The following ADCY5 variants were observed in gnomAD, a reference collection of about 807,000 sequenced individuals.
The protein encoded by ADCY5 is adenylate cyclase type 5.
ADCY5 carries 30 observed loss-of-function variants against 119.7 expected under a neutral mutation model. That is an observed-to-expected ratio of 0.25 (90% CI 0.19 to 0.34). The LOEUF is 0.34. Among genes scored for constraint, ADCY5 ranks in the 10% least tolerant of loss-of-function variants. The pLI is 1.00. For missense variants in ADCY5, 1,324 were observed against 1,775.2 expected, an observed-to-expected ratio of 0.75 and a Z score of 4.57; for synonymous variants, 753 against 762.2, an observed-to-expected ratio of 0.99 and a Z score of 0.20.
chr3:123,294,537 T>A (rs1360510486), intron 17 of ADCY5, among the ~76,000 whole-genome samples: 2 of 152,220 alleles, frequency 1.3e-5, no homozygotes, highest in Non-Finnish European at 2.9e-5. Context: ...GCTCCATTTC[T>A]GTGTGCTTCC....
intron 1 of ADCY5, among the ~76,000 whole-genome samples, chr3:123,398,464 T>C (rs111424498): frequency 0.017 from 2,631 of 152,286 alleles, 76 homozygotes; most frequent in African/African-American, 0.06. Context: ...TCTGACCATT[T>C]ATGATCACTG....
rs1945874380 is a variant in ADCY5, at chr3:123,448,580, C to T, written c.-35G>A. The T allele has an allele frequency of 3.2e-6, 4 of 1,262,576 alleles. No homozygotes were observed. The highest frequency in any genetic ancestry group is 1.5e-5 in the African/African-American group (1 of 64,542). The allele number at this position is 1,262,576 out of a possible 1,614,324, so 78.2% of individuals were successfully genotyped here. On this transcript the variant is annotated 5_prime_UTR_variant, in exon 1 of 21. Coordinates refer to ENST00000462833, the MANE Select transcript of ADCY5 (RefSeq NM_183357.3). ...GGCCTCGTCGTCTCCTTCCTCCTCC[C>T]CCGGAAGCCGGGCCGGGGGTCTCCA...
intron 9 of ADCY5, among the ~76,000 whole-genome samples, chr3:123,320,103 T>A (rs1941141969): frequency 6.6e-6 from 1 of 152,164 alleles, no homozygotes; most frequent in Non-Finnish European, 1.5e-5. Flanking sequence ...AGCATAACAA[T>A]GTGAGCTACC....
intron 1 of ADCY5, among the ~76,000 whole-genome samples, chr3:123,392,143 C>A (rs1418316294): frequency 6.6e-6 from 1 of 152,176 alleles, no homozygotes; most frequent in Non-Finnish European, 1.5e-5. Context: ...GTGGGGGAAG[C>A]AAGTTACACA....
At chr3:123,388,428 C>T (rs929576432) in intron 1 of ADCY5, among the ~76,000 whole-genome samples, 8 of 152,054 alleles carry the variant, frequency 5.3e-5, no homozygotes, top group African/African-American at 9.7e-5. Context: ...GTGGAGGAGC[C>T]GGTCTCCGTG....
chr3:123,288,835 C>A (rs1938950660), intron 19 of ADCY5, among the ~76,000 whole-genome samples: 1 of 152,192 alleles, frequency 6.6e-6, no homozygotes, highest in African/African-American at 2.4e-5. Context: ...GATCCAGGAC[C>A]TCTGCCGGAC....
intron 1 of ADCY5, among the ~76,000 whole-genome samples, chr3:123,405,256 C>A (rs554910916): frequency 2.6e-5 from 4 of 152,376 alleles, no homozygotes; most frequent in African/African-American, 9.6e-5. Flanking sequence ...CAGCCCTCCG[C>A]CAGGCTGCAG....
intron 17 of ADCY5, 51 bp from the exon 18 acceptor site, chr3:123,291,427 T>C: frequency 6.4e-7 from 1 of 1,571,122 alleles, no homozygotes; most frequent in Non-Finnish European, 8.7e-7. Flanking sequence ...AGCCCAGATG[T>C]CGGCCCCTCC....
chr3:123,355,652 C>T (rs75911096), intron 1 of ADCY5, among the ~76,000 whole-genome samples: 1 of 143,910 alleles, frequency 6.9e-6, no homozygotes, highest in South Asian at 2.2e-4. Flanking sequence ...AAAAAAAAAA[C>T]TAACAAAAAA....
chr3:123,318,310 T>C (rs1941033098), intron 10 of ADCY5, among the ~76,000 whole-genome samples, 193 bp from the exon 11 acceptor site: 2 of 152,072 alleles, frequency 1.3e-5, no homozygotes, highest in Admixed American at 1.3e-4. Context: ...CAGAAGGTAG[T>C]GCCTATGGAG....
At chr3:123,407,933 G>A (rs1336554792) in intron 1 of ADCY5, among the ~76,000 whole-genome samples, 1 of 151,754 alleles carries the variant, frequency 6.6e-6, no homozygotes, top group African/African-American at 2.4e-5. Flanking sequence ...GACTACTAAT[G>A]GGTATTGGGT....
chr3:123,400,553 T>C (rs1314918650), intron 1 of ADCY5, among the ~76,000 whole-genome samples: 2 of 152,320 alleles, frequency 1.3e-5, no homozygotes, highest in East Asian at 3.9e-4. Context: ...TAAACTGTGA[T>C]ATGGTAAATC....
chr3:123,345,927 G>A (rs1401075875), intron 3 of ADCY5, among the ~76,000 whole-genome samples: 1 of 152,190 alleles, frequency 6.6e-6, no homozygotes, highest in Non-Finnish European at 1.5e-5. Flanking sequence ...CTGGTAGTCA[G>A]GCTGGGTAAA....
intron 17 of ADCY5, 41 bp downstream of exon 17, chr3:123,296,043 C>T: frequency 6.2e-7 from 1 of 1,607,584 alleles, no homozygotes; most frequent in Non-Finnish European, 8.5e-7. Flanking sequence ...CACCTGCTCC[C>T]AAATGCCTCC....
At position 123,448,046 on chromosome 3, in the gene ADCY5, C is replaced by G. The variant is rs995527335; in HGVS notation, c.500G>C (p.Gly167Ala). 2 of 1,243,390 alleles carry G rather than the reference C, an allele frequency of 1.6e-6. No homozygotes were observed. The highest frequency in any genetic ancestry group is 3.2e-5 in the African/African-American group (2 of 63,038). 77.0% of individuals were successfully genotyped at this position (1,243,390 alleles called of 1,614,324 possible). A position where few individuals can be genotyped will look rare whatever the true frequency, so the allele number is the denominator to read the frequency against. The part of the protein sequence containing the change: ...EVGLEERRGK[G>A]RAADELEAGA... ...GGCCTCCAGCTCGTCGGCCGCGCGCCCCTTGCCCCGCCGCTCCTCCAGACC... is the reference window on the plus strand; with the variant it reads ...GGCCTCCAGCTCGTCGGCCGCGCGCGCCTTGCCCCGCCGCTCCTCCAGACC... The change falls in exon 1 of 21, where the codon GGG becomes GCG. Residue 167 changes from glycine to alanine, a missense_variant. By Grantham distance (60) the Gly-to-Ala change is moderately conservative. Transcript: ENST00000462833.
Position 123,352,230 on chromosome 3 carries a change from C to T in ADCY5, c.1284+202G>A, listed in dbSNP as rs113164474. Among the ~76,000 whole-genome samples the T allele has an allele frequency of 3.2e-3, 481 of 152,190 alleles. No individual in the cohort carries two copies. Among genetic ancestry groups the T allele is most frequent in the African/African-American group, 0.011 (448 of 41,530 alleles). On this transcript the variant is annotated intron_variant, in intron 2 of 20. Transcript: ENST00000462833. The surrounding 1 kb of genome is among the most constrained non-coding windows in gnomAD (Gnocchi z 4.8). ...GGCTATGGGCACCAGGCCTTGGGCA[C>T]GGGCTGGGTAGAACTCACTTCCCAC...
At chr3:123,324,360 A>G (rs1271451554) in intron 8 of ADCY5, among the ~76,000 whole-genome samples, 1 of 150,860 alleles carries the variant, frequency 6.6e-6, no homozygotes, top group Non-Finnish European at 1.5e-5. Flanking sequence ...ACTTGGAGCT[A>G]CTTGTGCAAC....
At chr3:123,440,321 C>A (rs1460224201) in intron 1 of ADCY5, among the ~76,000 whole-genome samples, 1 of 152,186 alleles carries the variant, frequency 6.6e-6, no homozygotes, top group Non-Finnish European at 1.5e-5. Context: ...AGGCCACAAG[C>A]CCAGATGCAG....
chr3:123,324,441 CA>C (rs1941376359), intron 8 of ADCY5, among the ~76,000 whole-genome samples: 1 of 145,806 alleles, frequency 6.9e-6, no homozygotes, highest in Admixed American at 6.9e-5. Context: ...CACACACACA[CA>C]CACACACACA....
Sources: allele counts gnomAD v4.1 joint callset (sites outside exome capture counted in the v4.1 genomes callset), GRCh38; gene constraint gnomAD v4.1.1; non-coding constraint Gnocchi (gnomAD v3.1); transcripts MANE v1.5; gene names NCBI Gene and HGNC (gene_info 2026-07-23, HGNC 2026-07-21).